Variants in MGAT5B observed in about 807,000 individuals in gnomAD.
The protein encoded by MGAT5B is N-acetylglucosaminyl-transferase Vb.
In MGAT5B, 54 loss-of-function variants were observed where a neutral mutation model predicts 95.1. The observed-to-expected ratio is 0.57, with a 90% CI of 0.46 to 0.71. The LOEUF (loss-of-function observed/expected upper bound fraction) is 0.71. Ranked by LOEUF, MGAT5B falls within the 30% of genes least tolerant of loss-of-function variation. MGAT5B has a pLI of 0.00. For missense variants in MGAT5B, 935 were observed against 1,088.6 expected (o/e 0.86, Z 1.99); for synonymous variants, 464 against 451.0 (o/e 1.03, Z -0.36).
intron 3 of MGAT5B, among the ~76,000 whole-genome samples, chr17:76,893,588 C>T (rs575391343): frequency 6.6e-6 from 1 of 152,342 alleles, no homozygotes; most frequent in Non-Finnish European, 1.5e-5. Context: ...AGACTGGGTG[C>T]ACTTGGTGGT....
rs1165025210 is a variant in MGAT5B, at chr17:76,906,330, G to C, written c.1025+143G>C. On this transcript the variant is annotated intron_variant, in intron 8 of 17. Transcript: ENST00000569840. The surrounding 1 kb of genome is among the most constrained non-coding windows in gnomAD (Gnocchi z 4.6). ...CTGAGACCCTGGGAGACATCCTGGT[G>C]TTCCGCAGGACATCACCACTCCTAA... 3.0e-5 allele frequency: 22 copies of C among 727,176 alleles called. No homozygotes were observed. The highest frequency in any genetic ancestry group is 1.0e-4 in the Admixed American group (3 of 29,072). The allele number at this position is 727,176 out of a possible 1,614,324, so 45.0% of individuals were successfully genotyped here. A position where few individuals can be genotyped will look rare whatever the true frequency, so the allele number is the denominator to read the frequency against.
intron 2 of MGAT5B, among the ~76,000 whole-genome samples, chr17:76,875,729 G>A (rs906394758): frequency 4.5e-5 from 6 of 133,676 alleles, no homozygotes; most frequent in Non-Finnish European, 9.1e-5. Context: ...TTATCCATCC[G>A]ACCATTGGTG....
intron 3 of MGAT5B, among the ~76,000 whole-genome samples, chr17:76,901,713 C>G (rs1179773572): frequency 1.3e-5 from 2 of 152,192 alleles, no homozygotes; most frequent in Non-Finnish European, 2.9e-5. Flanking sequence ...AGTTTTAATA[C>G]CTGGCAAGTT....
At chr17:76,893,876 GC>G (rs1754849046) in intron 3 of MGAT5B, among the ~76,000 whole-genome samples, 2 of 152,250 alleles carry the variant, frequency 1.3e-5, no homozygotes, top group South Asian at 4.1e-4. Context: ...CTGATGTCCT[GC>G]CCCCACCCTG....
intron 9 of MGAT5B, among the ~76,000 whole-genome samples, chr17:76,926,009 G>A (rs1262401996): frequency 1.3e-5 from 2 of 152,182 alleles, no homozygotes; most frequent in Non-Finnish European, 2.9e-5. Flanking sequence ...AGACAGCAGA[G>A]GGAGAAGGGC....
At position 76,938,554 on chromosome 17, in the gene MGAT5B, G is replaced by A. The variant is rs1969749293; in HGVS notation, c.1584+411G>A. The stretch of plus-strand genomic sequence containing the variant: ...AGTGCCATTGAGCCACTAGTCCTGA[G>A]TGACTGCTTCAGGGGTCCCTGAGCT... On this transcript the variant is annotated intron_variant, in intron 13 of 17. Transcript: ENST00000569840. This position sits in a 1 kb window ranked among gnomAD's most constrained non-coding sequence, Gnocchi z 4.3. Among the ~76,000 whole-genome samples the A allele has an allele frequency of 6.6e-6, 1 of 152,222 alleles. No individual in the cohort carries two copies. Among genetic ancestry groups the A allele is most frequent in the Non-Finnish European group, 1.5e-5 (1 of 68,044 alleles).
intron 10 of MGAT5B, among the ~76,000 whole-genome samples, chr17:76,932,179 G>C (rs1385939999): frequency 6.7e-6 from 1 of 149,188 alleles, no homozygotes; most frequent in South Asian, 2.1e-4. Flanking sequence ...CTGGGCTGGA[G>C]TGCAGCAGTG....
chr17:76,920,309 C>T (rs917724738), intron 8 of MGAT5B, among the ~76,000 whole-genome samples: 1 of 152,040 alleles, frequency 6.6e-6, no homozygotes, highest in Non-Finnish European at 1.5e-5. Context: ...AGGACTTGGC[C>T]TTGGAGGTGC....
At chr17:76,934,720 T>C (rs1476507045) in intron 12 of MGAT5B, among the ~76,000 whole-genome samples, 1 of 152,212 alleles carries the variant, frequency 6.6e-6, no homozygotes, top group Non-Finnish European at 1.5e-5. Context: ...ACGTTTTATC[T>C]CTAGCGCTGG....
At chr17:76,899,902 A>G (rs971425663) in intron 3 of MGAT5B, among the ~76,000 whole-genome samples, 2 of 152,196 alleles carry the variant, frequency 1.3e-5, no homozygotes, top group Non-Finnish European at 2.9e-5. Context: ...TAGACGGGCA[A>G]TAATGAGAAA....
At chr17:76,895,145 G>A (rs929374359) in intron 3 of MGAT5B, among the ~76,000 whole-genome samples, 6 of 152,074 alleles carry the variant, frequency 3.9e-5, no homozygotes, top group African/African-American at 1.4e-4. Flanking sequence ...TCTTATAGGC[G>A]TGAAAACCCT....
At chr17:76,901,123 G>A (rs71384130) in intron 3 of MGAT5B, among the ~76,000 whole-genome samples, 1 of 152,178 alleles carries the variant, frequency 6.6e-6, no homozygotes, top group Non-Finnish European at 1.5e-5. Flanking sequence ...TCTTTCCTTA[G>A]GAAAGGTGGA....
chr17:76,872,955 G>T lies in MGAT5B; in HGVS notation c.173G>T (p.Arg58Leu), dbSNP rs1227509593. The T allele has an allele frequency of 1.2e-6, 2 of 1,613,688 alleles. No individual in the cohort carries two copies. The highest frequency in any genetic ancestry group is 1.1e-5 in the South Asian group (1 of 91,084). The change falls in exon 2 of 18, where the codon CGC (arginine) becomes CTC (leucine). Residue 58 changes from arginine (R) to leucine (L), a missense_variant. Physicochemically the swap from Arg to Leu is moderately radical, Grantham distance 102. This residue lies in a region of MGAT5B where 243 missense variants were observed against 228.2 expected (regional missense o/e 1.06). Coordinates refer to ENST00000569840, the MANE Select transcript of MGAT5B (RefSeq NM_001199172.2). ...RRLGDSPFTI[R>L]TEVMGGPESR... Reference sequence around the variant, plus strand: ...CTGGGGGACTCGCCATTCACCATCCGCACAGAAGGTACCTTGGTGGGGCAA... The same window carrying T: ...CTGGGGGACTCGCCATTCACCATCCTCACAGAAGGTACCTTGGTGGGGCAA...
At position 76,915,210 on chromosome 17, in the gene MGAT5B, G is replaced by C. The variant is rs1443611060; in HGVS notation, c.1025+9023G>C. On this transcript the variant is annotated intron_variant, in intron 8 of 17. Transcript: ENST00000569840. The surrounding 1 kb of genome is among the most constrained non-coding windows in gnomAD (Gnocchi z 8.7). ...GTAGGGAGGTTGTGGACATAGGAGG[G>C]AGAGAGTATTGCTGGCAGTGGCTTC... is the stretch of plus-strand genomic sequence containing the variant. Among the ~76,000 whole-genome samples the C allele has an allele frequency of 6.7e-6, 1 of 149,936 alleles. No homozygotes were observed. Among genetic ancestry groups the C allele is most frequent in the East Asian group, 1.9e-4 (1 of 5,192 alleles).
intron 3 of MGAT5B, among the ~76,000 whole-genome samples, chr17:76,895,515 G>C (rs1255970470): frequency 1.3e-5 from 2 of 152,160 alleles, no homozygotes; most frequent in Non-Finnish European, 2.9e-5. Context: ...GAGGCCAGAA[G>C]TCTGAGATCA....
intron 15 of MGAT5B, among the ~76,000 whole-genome samples, chr17:76,942,736 C>A (rs1167407456): frequency 6.6e-6 from 1 of 152,084 alleles, no homozygotes; most frequent in Non-Finnish European, 1.5e-5. Flanking sequence ...ACTGACCAAC[C>A]CCAGCCCCCT....
At chr17:76,946,292 C>T in intron 15 of MGAT5B, 84 bp from the exon 16 acceptor site, 1 of 1,198,636 alleles carries the variant, frequency 8.3e-7, no homozygotes, top group South Asian at 1.4e-5. Flanking sequence ...GCCCACCAGA[C>T]CTCCACCCCC....
chr17:76,914,150 G>T lies in MGAT5B; in HGVS notation c.1025+7963G>T. The T allele has an allele frequency of 5.9e-6, 1 of 170,872 alleles. No homozygotes were observed. Among genetic ancestry groups the T allele is most frequent in the South Asian group, 1.4e-4 (1 of 7,394 alleles). 10.6% of individuals were successfully genotyped at this position (170,872 alleles called of 1,614,324 possible). On this transcript the variant is annotated intron_variant, in intron 8 of 17. Coordinates refer to ENST00000569840, the MANE Select transcript of MGAT5B (RefSeq NM_001199172.2). This position sits in a 1 kb window ranked among gnomAD's most constrained non-coding sequence, Gnocchi z 5.1. ...AAGAAAGAAGGAAAGAAGGAAGGAA[G>T]GAGAGAGAGAAAGAAAGAGAATTTG...
At chr17:76,920,422 A>G (rs894941) in intron 8 of MGAT5B, among the ~76,000 whole-genome samples, 124,584 of 152,210 alleles carry the variant, frequency 0.82, 51,138 homozygotes, top group African/African-American at 0.84. Flanking sequence ...GGGGGACGGC[A>G]TTTTCAATTC....
Sources: allele counts gnomAD v4.1 joint callset (sites outside exome capture counted in the v4.1 genomes callset), GRCh38; gene constraint gnomAD v4.1.1; regional missense constraint gnomAD v4.1.1; non-coding constraint Gnocchi (gnomAD v3.1); transcripts MANE v1.5; gene names NCBI Gene and HGNC (gene_info 2026-07-23, HGNC 2026-07-21).